The following TMEM209 variants were observed in gnomAD, a reference collection of about 807,000 sequenced individuals.
TMEM209 encodes the protein testicular tissue protein Li 202.
In TMEM209, 65 loss-of-function variants were observed where a neutral mutation model predicts 76.2. The ratio of observed to expected loss-of-function variants is 0.85; its 90% CI spans 0.70 to 1.05. The LOEUF (loss-of-function observed/expected upper bound fraction) is 1.05. Ranked by LOEUF, TMEM209 falls within the 50% of genes least tolerant of loss-of-function variation. The probability of loss-of-function intolerance (pLI) is 0.00; values close to 1 mark genes in which losing one functional copy is unlikely to be tolerated. For missense variants in TMEM209, 623 were observed against 685.5 expected (o/e 0.91, Z 1.02); for synonymous variants, 239 against 237.6 (o/e 1.01, Z -0.06).
chr7:130,194,088 A>G (rs1311703933), intron 5 of TMEM209, among the ~76,000 whole-genome samples: 1 of 151,574 alleles, frequency 6.6e-6, no homozygotes, highest in African/African-American at 2.4e-5. Flanking sequence ...AGTCCCAGCT[A>G]CTCGGGAGGC....
chr7:130,202,481 G>C, intron 4 of TMEM209, 51 bp downstream of exon 4: 2 of 1,557,450 alleles, frequency 1.3e-6, no homozygotes, highest in Non-Finnish European at 1.7e-6. Flanking sequence ...AACTGAGAAA[G>C]ATTTATTGCC....
chr7:130,166,866 G>A (rs1224472095), intron 14 of TMEM209, among the ~76,000 whole-genome samples: 1 of 152,110 alleles, frequency 6.6e-6, no homozygotes, highest in African/African-American at 2.4e-5. Context: ...TCAGAGAACT[G>A]TATTACTTGA....
intron 8 of TMEM209, among the ~76,000 whole-genome samples, chr7:130,183,135 A>G (rs182182989): frequency 1.3e-5 from 2 of 152,332 alleles, no homozygotes; most frequent in Admixed American, 1.3e-4. Context: ...TTCATATTTT[A>G]AACATGTTAG....
In TMEM209 at chr7:130,165,963, C is replaced by G. The variant is rs1796870650; in HGVS notation, c.*488G>C. On this transcript the variant is annotated 3_prime_UTR_variant, in exon 15 of 15. Coordinates refer to ENST00000397622, the MANE Select transcript of TMEM209 (RefSeq NM_032842.4). ...ATCCCAGCTACTCAGGAGGCTGAGG[C>G]AGGAGAATTGCTTGAGCCTGGGAGG... is the stretch of plus-strand genomic sequence containing the variant. 6.6e-6 allele frequency: 1 copy of G among 152,100 alleles called. No individual in the cohort carries two copies. The highest frequency in any genetic ancestry group is 6.6e-5 in the Admixed American group (1 of 15,224). The allele number at this position is 152,100 out of a possible 1,614,324, so 9.4% of individuals were successfully genotyped here. A position where few individuals can be genotyped will look rare whatever the true frequency, so the allele number is the denominator to read the frequency against.
At chr7:130,173,546 T>A in intron 13 of TMEM209, 86 bp downstream of exon 13, 1 of 1,019,366 alleles carries the variant, frequency 9.8e-7, no homozygotes, top group Non-Finnish European at 1.5e-6. Context: ...ACTTCTTCTA[T>A]TAACATGAGA....
chr7:130,175,679 G>A (rs1443350579), intron 10 of TMEM209, 70 bp from the exon 11 acceptor site: 12 of 1,222,118 alleles, frequency 9.8e-6, no homozygotes, highest in Non-Finnish European at 1.3e-5. Context: ...AAAGCTAAGG[G>A]AATATAATAA....
chr7:130,172,998 C>CAA lies in TMEM209; in HGVS notation c.1557+632_1557+633dup, dbSNP rs67876495. Among the ~76,000 whole-genome samples, 581 of 86,170 alleles carry CAA rather than the reference C, an allele frequency of 6.7e-3. 13 individuals carry two copies. Among genetic ancestry groups the CAA allele is most frequent in the Middle Eastern group, 0.027 (4 of 146 alleles). The allele number at this position is 86,170 out of a possible 152,430, so 56.5% of individuals were successfully genotyped here. A position where few individuals can be genotyped will look rare whatever the true frequency, so the allele number is the denominator to read the frequency against. On this transcript the variant is annotated intron_variant, in intron 13 of 14. Coordinates refer to ENST00000397622, the MANE Select transcript of TMEM209 (RefSeq NM_032842.4). ...TGGGTAACAGAGTGAGACTCTATCT[C>CAA]AAAAAAAAAAAAAAAAAAAAGGAAT...
At chr7:130,167,614 T>C (rs189766758) in intron 14 of TMEM209, among the ~76,000 whole-genome samples, 44 of 152,314 alleles carry the variant, frequency 2.9e-4, no homozygotes, top group Non-Finnish European at 5.6e-4. Context: ...TGCTTTCAGT[T>C]TGTCATTAAC....
At chr7:130,193,320 C>T (rs1215277198) in intron 5 of TMEM209, among the ~76,000 whole-genome samples, 1 of 152,072 alleles carries the variant, frequency 6.6e-6, no homozygotes, top group Admixed American at 6.5e-5. Context: ...CTGAGGTGGG[C>T]GGATCACCTG....
rs75417746 is a variant in TMEM209 at position 130,203,860 on chromosome 7, A to C, written c.141-14T>G. On this transcript the variant is annotated splice_polypyrimidine_tract_variant and intron_variant, in intron 2 of 14. Transcript: ENST00000397622. ...AATTTTCCAGTCCTGAAAAAAAATT[A>C]GAAAGGCTTTCCAGTGAACCTAAAA... The C allele has an allele frequency of 6.3e-7, 1 of 1,590,462 alleles. No homozygotes were observed. Among genetic ancestry groups the C allele is most frequent in the South Asian group, 1.1e-5 (1 of 88,032 alleles).
intron 6 of TMEM209, among the ~76,000 whole-genome samples, chr7:130,188,595 C>CAA (rs10649977): frequency 3.3e-4 from 24 of 72,678 alleles, no homozygotes; most frequent in African/African-American, 8.8e-4. Flanking sequence ...GACTCCGTAT[C>CAA]AAAAAAAAAA....
At chr7:130,186,887 G>C (rs1797618264) in intron 6 of TMEM209, among the ~76,000 whole-genome samples, 1 of 152,028 alleles carries the variant, frequency 6.6e-6, no homozygotes, top group Non-Finnish European at 1.5e-5. Context: ...GGGCAACACA[G>C]GAAACCAGAC....
intron 6 of TMEM209, among the ~76,000 whole-genome samples, chr7:130,190,958 T>C (rs1400312884): frequency 6.7e-6 from 1 of 149,880 alleles, no homozygotes; most frequent in Non-Finnish European, 1.5e-5. Flanking sequence ...ACTGCACCAC[T>C]GCAACAGTGA....
At chr7:130,187,039 T>A (rs545697304) in intron 6 of TMEM209, among the ~76,000 whole-genome samples, 24 of 152,124 alleles carry the variant, frequency 1.6e-4, no homozygotes, top group Non-Finnish European at 3.1e-4. Flanking sequence ...GGTCAGGAGC[T>A]CGAGACAAGC....
intron 4 of TMEM209, 38 bp from the exon 5 acceptor site, chr7:130,202,129 T>C (rs1167510989): frequency 1.9e-6 from 3 of 1,556,112 alleles, no homozygotes; most frequent in Non-Finnish European, 8.7e-7. Flanking sequence ...TGTATGTACC[T>C]TCAAATAAAA....
intron 13 of TMEM209, 89 bp from the exon 14 acceptor site, chr7:130,170,562 TACTA>T (rs1254661845): frequency 1.0e-6 from 1 of 994,786 alleles, no homozygotes; most frequent in Non-Finnish European, 1.5e-6. Context: ...ATTCATATCC[TACTA>T]ACTCAGAATT....
intron 6 of TMEM209, among the ~76,000 whole-genome samples, chr7:130,187,532 TG>T (rs1468299682): frequency 6.6e-6 from 1 of 151,598 alleles, no homozygotes; most frequent in Non-Finnish European, 1.5e-5. Flanking sequence ...CCCTAGTCCC[TG>T]GTCCTGGTAG....
At chr7:130,192,494 A>AT in intron 6 of TMEM209, 128 bp downstream of exon 6, 1 of 793,598 alleles carries the variant, frequency 1.3e-6, no homozygotes, top group South Asian at 1.8e-5. Context: ...ATAATGTTAC[A>AT]TATAAAGTAA....
At chr7:130,205,169 A>G (rs1313261963) in intron 1 of TMEM209, 11 of 1,477,504 alleles carry the variant, frequency 7.4e-6, no homozygotes, top group Non-Finnish European at 9.8e-6. Context: ...CCGCGTCCCA[A>G]TTTCCCAGTC....
Sources: allele counts gnomAD v4.1 joint callset (sites outside exome capture counted in the v4.1 genomes callset), GRCh38; gene constraint gnomAD v4.1.1; transcripts MANE v1.5; gene names NCBI Gene and HGNC (gene_info 2026-07-23, HGNC 2026-07-21).